Variants in RALGDS observed in about 807,000 individuals in gnomAD.
RALGDS encodes ral guanine nucleotide dissociation stimulator, also known as ral guanine nucleotide exchange factor.
RALGDS carries 44 observed loss-of-function variants against 99.8 expected under a neutral mutation model. That is an observed-to-expected ratio of 0.44 (90% CI 0.35 to 0.57). The LOEUF (loss-of-function observed/expected upper bound fraction) is 0.57. Among genes scored for constraint, RALGDS ranks in the 20% least tolerant of loss-of-function variants. RALGDS has a pLI of 0.01. For synonymous variants in RALGDS, 529 were observed against 505.0 expected (o/e 1.05, Z -0.64); for missense variants, 1,022 against 1,203.1 (o/e 0.85, Z 2.23).
chr9:133,106,844 C>G (rs1564233393), intron 7 of RALGDS, 96 bp from the exon 8 acceptor site: 1 of 1,043,292 alleles, frequency 9.6e-7, no homozygotes, highest in East Asian at 2.6e-5. Context: ...CCTAATGAGA[C>G]AGACACCCAG....
chr9:133,140,711 C>T (rs1053264605), intron 1 of RALGDS, among the ~76,000 whole-genome samples: 2 of 152,168 alleles, frequency 1.3e-5, no homozygotes, highest in Non-Finnish European at 2.9e-5. Context: ...AGCACCCACG[C>T]AGGGTGGGTG....
At chr9:133,111,923 G>A in intron 2 of RALGDS, 119 bp downstream of exon 2, 1 of 764,758 alleles carries the variant, frequency 1.3e-6, no homozygotes, top group South Asian at 1.5e-5. Context: ...TGGACAGTGG[G>A]GGTCGGGAAG....
intron 8 of RALGDS, 94 bp downstream of exon 8, chr9:133,106,551 G>A: frequency 1.0e-6 from 1 of 963,532 alleles, no homozygotes; most frequent in Non-Finnish European, 1.6e-6. Flanking sequence ...CCTGCCCTCA[G>A]GGTTTGTGGC....
chr9:133,121,502 GT>G (rs748824054), upstream of RALGDS, among the ~76,000 whole-genome samples: 3 of 152,186 alleles, frequency 2.0e-5, no homozygotes, highest in Non-Finnish European at 4.4e-5. Flanking sequence ...CACGTGTGTC[GT>G]GGGGCCTTGG....
chr9:133,126,147 C>T (rs1218634268), upstream of RALGDS, among the ~76,000 whole-genome samples: 1 of 152,106 alleles, frequency 6.6e-6, no homozygotes, highest in Non-Finnish European at 1.5e-5. Context: ...TCTTATGAAT[C>T]GGCATTGATC....
chr9:133,136,366 G>A (rs956928677), intron 1 of RALGDS, among the ~76,000 whole-genome samples: 3 of 152,208 alleles, frequency 2.0e-5, no homozygotes, highest in Admixed American at 6.5e-5. Context: ...GGCCGGGCGC[G>A]GTGGCTCACG....
intron 1 of RALGDS, among the ~76,000 whole-genome samples, chr9:133,147,019 T>C (rs1459551288): frequency 1.3e-5 from 2 of 152,210 alleles, no homozygotes; most frequent in Non-Finnish European, 2.9e-5. Context: ...CCACAGAAAC[T>C]GTGTGATGAT....
intron 17 of RALGDS, chr9:133,099,518 G>A (rs1163503188): frequency 6.5e-6 from 1 of 152,940 alleles, no homozygotes; most frequent in Non-Finnish European, 1.5e-5. Context: ...AGAAAACAGC[G>A]ATGATAGTAT....
At chr9:133,109,880 T>C (rs765426539) in intron 3 of RALGDS, among the ~76,000 whole-genome samples, 159 bp from the exon 4 acceptor site, 3 of 152,012 alleles carry the variant, frequency 2.0e-5, no homozygotes, top group Non-Finnish European at 4.4e-5. Context: ...GTTCAATGAA[T>C]AAGTCCCAAC....
At chr9:133,131,136 T>C, upstream of RALGDS, 3 of 1,437,966 alleles carry the variant, frequency 2.1e-6, no homozygotes, top group Non-Finnish European at 1.8e-6. Flanking sequence ...AGCACCTCGC[T>C]CCCAGCCCTG....
intron 1 of RALGDS, among the ~76,000 whole-genome samples, chr9:133,113,066 T>A (rs980610085): frequency 6.6e-6 from 1 of 152,106 alleles, no homozygotes; most frequent in African/African-American, 2.4e-5. Context: ...TAGCCACAAT[T>A]ACCCCCGGCC....
chr9:133,103,357 G>A, intron 11 of RALGDS, 95 bp from the exon 12 acceptor site: 2 of 1,500,054 alleles, frequency 1.3e-6, no homozygotes, highest in Admixed American at 1.7e-5. Context: ...GCCCACCAGG[G>A]GGCAGGGCAC....
chr9:133,101,502 C>T lies in RALGDS; in HGVS notation c.2454+18G>A. Reference sequence around the variant, plus strand: ...CCGCCAGTGGAGGGAGGCACCCAGGCCACCCCCGCCGGCTTACCAGGATGC... The same window carrying T: ...CCGCCAGTGGAGGGAGGCACCCAGGTCACCCCCGCCGGCTTACCAGGATGC... On this transcript the variant is annotated intron_variant, in intron 16 of 17. Coordinates refer to ENST00000372050, the MANE Select transcript of RALGDS (RefSeq NM_006266.4). 1 of 1,610,512 alleles carries T rather than the reference C, an allele frequency of 6.2e-7. No individual in the cohort carries two copies.
intron 1 of RALGDS, chr9:133,148,859 C>T: frequency 1.4e-6 from 2 of 1,428,008 alleles, no homozygotes; most frequent in Non-Finnish European, 1.9e-6. Flanking sequence ...AGCGCACGCT[C>T]AGCGTGGACG....
chr9:133,115,964 G>A (rs79161720), intron 1 of RALGDS, among the ~76,000 whole-genome samples: 4,079 of 152,366 alleles, frequency 0.027, 180 homozygotes, highest in African/African-American at 0.093. Flanking sequence ...GCGACAGTGC[G>A]GGGCCCACGC....
rs996566211 is a variant in RALGDS, at chr9:133,098,628, T to C, written c.2704A>G (p.Met902Val). Reference sequence around the variant, plus strand: ...GCAATCTTGAGTCCTTTCTGCTTCATGCGAGGGAGGGTGGAGCTGGCTCCG... The same window carrying C: ...GCAATCTTGAGTCCTTTCTGCTTCACGCGAGGGAGGGTGGAGCTGGCTCCG... ...KHGASSTLPR[M>V]KQKGLKIAKG... The change falls in exon 18 of 18, where the codon ATG (methionine) becomes GTG (valine). Residue 902 changes from methionine (M) to valine (V), a missense_variant. Physicochemically the swap from Met to Val is conservative, Grantham distance 21. Transcript: ENST00000372050. 6.2e-7 allele frequency: 1 copy of C among 1,614,074 alleles called. No homozygotes were observed. The highest frequency in any genetic ancestry group is 1.3e-5 in the African/African-American group (1 of 74,940).
At position 133,101,694 on chromosome 9, in the gene RALGDS, C is replaced by T. The variant is rs1218617503; in HGVS notation, c.2280G>A (p.Ser760=). The part of the protein sequence containing the change: ...SGISSASSST[S]SSSASTTPVA... ...CGGGCGTGGTGGAGGCTGAGGAGGA[C>T]GAGGTGCTGCTGGAGGCTGAGCTGA... is the stretch of plus-strand genomic sequence containing the variant. The change falls in exon 16 of 18, where the codon TCG becomes TCA. Residue 760 remains serine (S), a synonymous_variant. Coordinates refer to ENST00000372050, the MANE Select transcript of RALGDS (RefSeq NM_006266.4). 9.3e-6 allele frequency: 15 copies of T among 1,613,802 alleles called. No homozygotes were observed. Among genetic ancestry groups the T allele is most frequent in the African/African-American group, 2.7e-5 (2 of 74,922 alleles).
At chr9:133,111,425 C>T (rs938858273) in intron 2 of RALGDS, among the ~76,000 whole-genome samples, 2 of 152,180 alleles carry the variant, frequency 1.3e-5, no homozygotes, top group Non-Finnish European at 2.9e-5. Context: ...GGATTACAGG[C>T]ACACACCACC....
chr9:133,133,938 G>A (rs559358439), upstream of RALGDS, among the ~76,000 whole-genome samples: 35 of 152,324 alleles, frequency 2.3e-4, no homozygotes, highest in Middle Eastern at 0.014. Context: ...GACTCCTCGC[G>A]AAGCTGTTTA....
Sources: allele counts gnomAD v4.1 joint callset (sites outside exome capture counted in the v4.1 genomes callset), GRCh38; gene constraint gnomAD v4.1.1; transcripts MANE v1.5; gene names NCBI Gene and HGNC (gene_info 2026-07-23, HGNC 2026-07-21).